Variants in TXNRD1 observed in about 807,000 individuals in gnomAD.
The protein encoded by TXNRD1 is thioredoxin reductase 1, cytoplasmic.
TXNRD1 carries 57 observed loss-of-function variants against 80.3 expected under a neutral mutation model. That is an observed-to-expected ratio of 0.71 (90% CI 0.57 to 0.89). The LOEUF (loss-of-function observed/expected upper bound fraction) is 0.89. Among genes scored for constraint, TXNRD1 ranks in the 40% least tolerant of loss-of-function variants. The pLI is 0.00. For missense variants in TXNRD1, 730 were observed against 803.0 expected (o/e 0.91, Z 1.10); for synonymous variants, 291 against 285.2 (o/e 1.02, Z -0.20).
At chr12:104,245,414 G>A (rs1433543221) in intron 1 of TXNRD1, among the ~76,000 whole-genome samples, 1 of 148,878 alleles carries the variant, frequency 6.7e-6, no homozygotes, top group Non-Finnish European at 1.5e-5. Context: ...CTACTCAGGA[G>A]GCTGAGGCAG....
chr12:104,321,253 C>G lies in TXNRD1; in HGVS notation c.1152C>G (p.Asn384Lys), dbSNP rs373534042. ...LLRGFDQDMA[N>K]KIGEHMEEHG... Reference sequence around the variant, plus strand: ...GAGGATTTGACCAGGACATGGCCAACAAAATTGGTGAACACATGGAAGAAC... The same window carrying G: ...GAGGATTTGACCAGGACATGGCCAAGAAAATTGGTGAACACATGGAAGAAC... Residue 384 changes from asparagine to lysine, a missense_variant, in exon 10 of 17, where the codon AAC becomes AAG. Transcript: ENST00000525566. 24 of 1,613,730 alleles carry G rather than the reference C, an allele frequency of 1.5e-5. No individual in the cohort carries two copies. Among genetic ancestry groups the G allele is most frequent in the Non-Finnish European group, 1.9e-5 (23 of 1,179,874 alleles).
chr12:104,228,385 C>G (rs889729510), intron 1 of TXNRD1, among the ~76,000 whole-genome samples: 10 of 151,304 alleles, frequency 6.6e-5, no homozygotes, highest in African/African-American at 2.2e-4. Context: ...GTAATCCCAG[C>G]ACTTTGGAGG....
chr12:104,315,605 G>A (rs1001771198), intron 6 of TXNRD1, among the ~76,000 whole-genome samples, 172 bp from the exon 7 acceptor site: 2 of 152,064 alleles, frequency 1.3e-5, no homozygotes, highest in African/African-American at 4.8e-5. Flanking sequence ...GGTATGTAAG[G>A]GTCTCTGAAC....
intron 11 of TXNRD1, among the ~76,000 whole-genome samples, chr12:104,325,924 CACTGTA>C (rs2035745542): frequency 6.6e-6 from 1 of 151,528 alleles, no homozygotes; most frequent in Non-Finnish European, 1.5e-5. Context: ...AGATTTTTTC[CACTGTA>C]ACTTAAAGTA....
rs1197964177 is a variant in TXNRD1, at chr12:104,327,680, T to TG, written c.1542+10dup. 6.2e-7 allele frequency: 1 copy of TG among 1,612,920 alleles called. No individual in the cohort carries two copies. The highest frequency in any genetic ancestry group is 2.2e-5 in the East Asian group (1 of 44,880). ...CAGGTTCCACTGTCAAGGTGAGTGT[T>TG]GTGCTTGTTGCCCATTAGATACTGT... On this transcript the variant is annotated intron_variant, in intron 13 of 16. Coordinates refer to ENST00000525566, the MANE Select transcript of TXNRD1 (RefSeq NM_001093771.3).
intron 1 of TXNRD1, among the ~76,000 whole-genome samples, chr12:104,218,241 G>C (rs746008335): frequency 3.9e-5 from 6 of 152,002 alleles, no homozygotes; most frequent in Admixed American, 2.0e-4. Context: ...GGCCAGGCTG[G>C]TCTTGAACTC....
intron 11 of TXNRD1, among the ~76,000 whole-genome samples, chr12:104,325,851 G>A (rs1335812594): frequency 1.4e-5 from 2 of 145,426 alleles, no homozygotes; most frequent in Non-Finnish European, 3.0e-5. Context: ...CAGCCTGGGT[G>A]ACAGAGCGAG....
chr12:104,326,789 T>C (rs1758940056), intron 12 of TXNRD1, among the ~76,000 whole-genome samples: 2 of 149,584 alleles, frequency 1.3e-5, no homozygotes, highest in Non-Finnish European at 1.5e-5. Context: ...TTAATACTAT[T>C]TCAGTTATTT....
intron 7 of TXNRD1, 30 bp from the exon 8 acceptor site, chr12:104,318,883 A>T (rs1328178260): frequency 6.3e-7 from 1 of 1,589,412 alleles, no homozygotes; most frequent in Non-Finnish European, 8.6e-7. Flanking sequence ...TGAAAAGCCA[A>T]ACAAGATTTT....
At chr12:104,255,548 C>G (rs761550821) in intron 2 of TXNRD1, among the ~76,000 whole-genome samples, 41 of 152,268 alleles carry the variant, frequency 2.7e-4, no homozygotes, top group South Asian at 2.1e-3. Flanking sequence ...CCTGTACTCC[C>G]AGCACTTTGG....
intron 4 of TXNRD1, chr12:104,303,937 G>T: frequency 6.3e-7 from 1 of 1,589,874 alleles, no homozygotes; most frequent in Non-Finnish European, 8.5e-7. Flanking sequence ...GAGCGCTGAT[G>T]AAGATGGATG....
chr12:104,325,311 A>G, intron 10 of TXNRD1, 26 bp from the exon 11 acceptor site: 3 of 1,555,854 alleles, frequency 1.9e-6, no homozygotes, highest in Non-Finnish European at 2.7e-6. Flanking sequence ...TCTTTATTTC[A>G]CAGTAAAACT....
chr12:104,301,051 C>T (rs1051734358), intron 4 of TXNRD1, among the ~76,000 whole-genome samples: 2 of 152,214 alleles, frequency 1.3e-5, no homozygotes, highest in Non-Finnish European at 2.9e-5. Context: ...AGAATGCATT[C>T]AGCACTGTAA....
intron 4 of TXNRD1, among the ~76,000 whole-genome samples, chr12:104,311,077 A>T (rs2035116412): frequency 6.6e-6 from 1 of 152,254 alleles, no homozygotes; most frequent in Non-Finnish European, 1.5e-5. Context: ...AGTAGTTAGC[A>T]GTGACCGTCT....
At chr12:104,227,854 C>G (rs1476997291) in intron 1 of TXNRD1, among the ~76,000 whole-genome samples, 2 of 152,136 alleles carry the variant, frequency 1.3e-5, no homozygotes, top group Non-Finnish European at 2.9e-5. Flanking sequence ...TCATGTGTAT[C>G]TATAGTTTAC....
intron 4 of TXNRD1, among the ~76,000 whole-genome samples, chr12:104,297,553 C>T (rs1781654878): frequency 6.6e-6 from 1 of 151,834 alleles, no homozygotes; most frequent in African/African-American, 2.4e-5. Flanking sequence ...TTAGTAGAGA[C>T]AAGATTTCTC....
At chr12:104,299,918 G>A in intron 4 of TXNRD1, among the ~76,000 whole-genome samples, 1 of 152,176 alleles carries the variant, frequency 6.6e-6, no homozygotes, top group East Asian at 1.9e-4. Flanking sequence ...AAGCTGCTAT[G>A]AAAGAAGGAA....
chr12:104,331,028 C>T (rs973708194), intron 13 of TXNRD1, among the ~76,000 whole-genome samples: 6 of 151,612 alleles, frequency 4.0e-5, no homozygotes, highest in African/African-American at 9.7e-5. Flanking sequence ...AGTAATATAT[C>T]GTACTATATA....
At chr12:104,246,586 G>A (rs1277993488) in intron 1 of TXNRD1, among the ~76,000 whole-genome samples, 3 of 146,838 alleles carry the variant, frequency 2.0e-5, no homozygotes, top group South Asian at 2.2e-4. Flanking sequence ...GCAGTGGTGC[G>A]ATCTCGGTTC....
Sources: allele counts gnomAD v4.1 joint callset (sites outside exome capture counted in the v4.1 genomes callset), GRCh38; gene constraint gnomAD v4.1.1; transcripts MANE v1.5; gene names NCBI Gene and HGNC (gene_info 2026-07-23, HGNC 2026-07-21).